The following CDON variants were observed in gnomAD, a reference collection of about 807,000 sequenced individuals.
The protein encoded by CDON is cell adhesion molecule-related/down-regulated by oncogenes.
CDON carries 73 observed loss-of-function variants against 120.9 expected under a neutral mutation model. The ratio of observed to expected loss-of-function variants is 0.60; its 90% CI spans 0.50 to 0.73. CDON has a LOEUF of 0.73. Ranked by LOEUF, CDON falls within the 30% of genes least tolerant of loss-of-function variation. CDON has a pLI of 0.00. For synonymous variants in CDON, 566 were observed against 573.5 expected, an observed-to-expected ratio of 0.99 and a Z score of 0.19; for missense variants, 1,470 against 1,587.3, an observed-to-expected ratio of 0.93 and a Z score of 1.26.
chr11:125,982,079 G>A (rs1413879885), intron 16 of CDON, among the ~76,000 whole-genome samples: 7 of 132,270 alleles, frequency 5.3e-5, no homozygotes, highest in African/African-American at 1.9e-4. Flanking sequence ...TGCCTCCCGG[G>A]TTCAAGCAAT....
At chr11:125,975,576 C>T (rs1307735419) in intron 18 of CDON, among the ~76,000 whole-genome samples, 1 of 152,126 alleles carries the variant, frequency 6.6e-6, no homozygotes, top group East Asian at 1.9e-4. Context: ...CAAATTATTC[C>T]AGCGGTTCTC....
chr11:125,985,507 T>C (rs1946436334), intron 15 of CDON, among the ~76,000 whole-genome samples: 1 of 152,160 alleles, frequency 6.6e-6, no homozygotes, highest in Non-Finnish European at 1.5e-5. Flanking sequence ...ATGGGGATAT[T>C]AGTAAGAGCT....
intron 14 of CDON, 50 bp downstream of exon 14, chr11:125,994,231 CCTT>C (rs1221964863): frequency 1.1e-6 from 1 of 903,388 alleles, no homozygotes; most frequent in African/African-American, 1.6e-5. Context: ...TATTCATAAA[CCTT>C]CTTTCTCCAA....
At chr11:126,021,585 T>G in intron 2 of CDON, 65 bp from the exon 3 acceptor site, 368 of 1,096,892 alleles carry the variant, frequency 3.4e-4, no homozygotes, top group Non-Finnish European at 4.5e-4. Context: ...GAAAGAAGAT[T>G]ACATTAAACA....
rs908448116 is a variant in CDON at position 125,960,229 on chromosome 11, T to C, written c.*713A>G. On this transcript the variant is annotated 3_prime_UTR_variant, in exon 20 of 20. Coordinates refer to ENST00000531738, the MANE Select transcript of CDON (RefSeq NM_001378964.1). The stretch of plus-strand genomic sequence containing the variant: ...GAAGTCTGATAATACAGGCCAGACG[T>C]GGTGGCTCACGCCTGTAATCCTCGC... 1 of 152,536 alleles carries C rather than the reference T, an allele frequency of 6.6e-6. No homozygotes were observed. The highest frequency in any genetic ancestry group is 1.5e-5 in the Non-Finnish European group (1 of 68,310). The allele number at this position is 152,536 out of a possible 1,614,324, so 9.4% of individuals were successfully genotyped here. A position where few individuals can be genotyped will look rare whatever the true frequency, so the allele number is the denominator to read the frequency against.
rs186048531 is a variant in CDON, at chr11:125,961,896, A to G, written c.3459T>C (p.Ser1153=). The G allele has an allele frequency of 1.8e-4, 296 of 1,614,184 alleles. 1 individual carries two copies. The East Asian group carries it at 6.5e-3, about 35-fold the overall frequency. Residue 1153 remains serine (S), a synonymous_variant, in exon 19 of 20, where the codon AGT becomes AGC. Transcript: ENST00000531738. ...PQDGLEMKPL[S]HVKVPVCLTS... Reference sequence around the variant, plus strand: ...TCAGGCATACAGGCACCTTCACGTGACTGAGGGGCTTCATTTCCAAACCAT... The same window carrying G: ...TCAGGCATACAGGCACCTTCACGTGGCTGAGGGGCTTCATTTCCAAACCAT...
intron 1 of CDON, among the ~76,000 whole-genome samples, chr11:126,025,077 C>T (rs1947756792): frequency 6.6e-6 from 1 of 152,062 alleles, no homozygotes; most frequent in Non-Finnish European, 1.5e-5. Context: ...TGGTGGCATG[C>T]ACCTGTAATC....
Position 126,044,314 on chromosome 11 carries a change from A to ATAATGGATGT in CDON, c.-62+18264_-62+18265insACATCCATTA, listed in dbSNP as rs560141352. 3.8e-3 allele frequency among the ~76,000 whole-genome samples: 572 copies of ATAATGGATGT among 152,360 alleles called. 2 individuals carry two copies. Among genetic ancestry groups the ATAATGGATGT allele is most frequent in the Non-Finnish European group, 6.2e-3 (423 of 68,026 alleles). On this transcript the variant is annotated intron_variant, in intron 1 of 19. Transcript: ENST00000531738. ...ACTTTTAAAGTGGCTGCCCTGCAAAATAATGGATTGTTAAAAACAAATTCA... is the reference window on the plus strand; with the variant it reads ...ACTTTTAAAGTGGCTGCCCTGCAAAATAATGGATGTTAATGGATTGTTAAAAACAAATTCA...
intron 18 of CDON, among the ~76,000 whole-genome samples, chr11:125,975,410 A>T (rs1565496620): frequency 6.7e-6 from 1 of 149,102 alleles, no homozygotes; most frequent in Non-Finnish European, 1.5e-5. Flanking sequence ...TTGCTTATTT[A>T]ATAAATAATA....
intron 15 of CDON, among the ~76,000 whole-genome samples, chr11:125,987,782 G>A (rs1053128213): frequency 6.6e-6 from 1 of 152,138 alleles, no homozygotes; most frequent in Non-Finnish European, 1.5e-5. Context: ...ACACATCACA[G>A]CGTCTGGTCC....
chr11:125,999,185 T>G (rs1454654274), intron 11 of CDON, among the ~76,000 whole-genome samples: 1 of 152,230 alleles, frequency 6.6e-6, no homozygotes, highest in African/African-American at 2.4e-5. Flanking sequence ...TAGTGAATCT[T>G]TTTTAATACT....
rs984799857 is a variant in CDON at position 125,957,760 on chromosome 11, A to G, written c.*3182T>C. The stretch of plus-strand genomic sequence containing the variant: ...ACTCATTCGACAAAAACACCCAGAA[A>G]GAAAGGCTTTTGCTAAGAACACTTC... On this transcript the variant is annotated 3_prime_UTR_variant, in exon 20 of 20. Transcript: ENST00000531738. 1.3e-5 allele frequency: 2 copies of G among 152,228 alleles called. No individual in the cohort carries two copies. The highest frequency in any genetic ancestry group is 4.8e-5 in the African/African-American group (2 of 41,452). 9.4% of individuals were successfully genotyped at this position (152,228 alleles called of 1,614,324 possible).
chr11:126,011,709 T>C (rs1358310744), intron 7 of CDON, among the ~76,000 whole-genome samples: 1 of 152,248 alleles, frequency 6.6e-6, no homozygotes, highest in Non-Finnish European at 1.5e-5. Flanking sequence ...ATTAGGAAGA[T>C]GTTTTCATTT....
At chr11:126,046,793 T>C (rs886884041) in intron 1 of CDON, among the ~76,000 whole-genome samples, 3 of 152,192 alleles carry the variant, frequency 2.0e-5, no homozygotes, top group Admixed American at 6.5e-5. Context: ...CTGGTCTATC[T>C]CCAGGCAAAT....
chr11:126,033,180 G>A (rs1032339820), intron 1 of CDON, among the ~76,000 whole-genome samples: 1 of 152,158 alleles, frequency 6.6e-6, no homozygotes, highest in African/African-American at 2.4e-5. Flanking sequence ...GTGAGTGAGT[G>A]GATGATGTGC....
chr11:126,028,119 T>G (rs938897873), intron 1 of CDON, among the ~76,000 whole-genome samples: 1 of 152,160 alleles, frequency 6.6e-6, no homozygotes, highest in African/African-American at 2.4e-5. Flanking sequence ...CAAGAATTGC[T>G]AAATTTCTAT....
chr11:126,012,629 G>C (rs1361293770), intron 7 of CDON, among the ~76,000 whole-genome samples: 2 of 149,132 alleles, frequency 1.3e-5, no homozygotes, highest in Non-Finnish European at 1.5e-5. Flanking sequence ...GGCTGGCCTC[G>C]AACTCCTGAG....
At chr11:126,015,098 A>T in intron 7 of CDON, 143 bp downstream of exon 7, 1 of 812,146 alleles carries the variant, frequency 1.2e-6, no homozygotes, top group Non-Finnish European at 2.1e-6. Flanking sequence ...ACCTGTCACT[A>T]GCCAGGACCA....
At chr11:125,965,651 G>T (rs1302516161) in intron 18 of CDON, among the ~76,000 whole-genome samples, 1 of 152,174 alleles carries the variant, frequency 6.6e-6, no homozygotes, top group East Asian at 1.9e-4. Flanking sequence ...CTAAAAATAA[G>T]AGTGAAGCAG....
Sources: gnomAD v4.1 joint callset for allele counts (sites outside exome capture counted in the v4.1 genomes callset) on GRCh38, gnomAD v4.1.1 for gene constraint, MANE v1.5 for transcripts, NCBI Gene and HGNC (gene_info 2026-07-23, HGNC 2026-07-21) for gene names.